The following B3GAT2 variants were observed in gnomAD, a reference collection of about 807,000 sequenced individuals.
The protein encoded by B3GAT2 is beta-1,3-glucuronyltransferase 2, also known as galactosylgalactosylxylosylprotein 3-beta-glucuronosyltransferase 2.
A neutral mutation model predicts 27.8 loss-of-function variants in B3GAT2; 26 were observed. The observed-to-expected ratio is 0.93, with a 90% CI of 0.68 to 1.30. The LOEUF is 1.30. Ranked by LOEUF, B3GAT2 falls within the 50% of genes most tolerant of loss-of-function variation. The probability of loss-of-function intolerance (pLI) is 0.00; values close to 1 mark genes in which losing one functional copy is unlikely to be tolerated. For missense variants in B3GAT2, 458 were observed against 459.0 expected, an observed-to-expected ratio of 1.00 and a Z score of 0.02; for synonymous variants, 218 against 195.1, an observed-to-expected ratio of 1.12 and a Z score of -0.98.
rs777302439 is a variant in B3GAT2, at chr6:70,860,210, A to G, written c.*1453T>C. 2 of 1,609,296 alleles carry G rather than the reference A, an allele frequency of 1.2e-6. No homozygotes were observed. Among genetic ancestry groups the G allele is most frequent in the Non-Finnish European group, 1.7e-6 (2 of 1,178,430 alleles). Reference sequence around the variant, plus strand: ...TTATATGTTTCACAGATGAATCAGCAGATGGCTGGCATGAGTATCAGTAGT... The same window carrying G: ...TTATATGTTTCACAGATGAATCAGCGGATGGCTGGCATGAGTATCAGTAGT... On this transcript the variant is annotated 3_prime_UTR_variant, in exon 4 of 4. Coordinates refer to ENST00000230053, the MANE Select transcript of B3GAT2 (RefSeq NM_080742.3).
rs796411736 is a variant in B3GAT2 at position 70,864,053 on chromosome 6, G to C, written c.737-2075C>G. On this transcript the variant is annotated intron_variant, in intron 2 of 3. Coordinates refer to ENST00000230053, the MANE Select transcript of B3GAT2 (RefSeq NM_080742.3). ...CTTTTTCCCACATGCTTATAAATAA[G>C]CTTTATCCTTTTTTTTTTTTTTTTT... is the stretch of plus-strand genomic sequence containing the variant. 9.1e-5 allele frequency among the ~76,000 whole-genome samples: 13 copies of C among 143,620 alleles called. No homozygotes were observed. In the South Asian group the frequency reaches 2.5e-3, roughly 27 times the overall value. The allele number at this position is 143,620 out of a possible 152,430, so 94.2% of individuals were successfully genotyped here.
intron 2 of B3GAT2, among the ~76,000 whole-genome samples, chr6:70,878,920 C>T (rs1411191984): frequency 6.6e-6 from 1 of 151,936 alleles, no homozygotes; most frequent in Non-Finnish European, 1.5e-5. Flanking sequence ...GGCACCTATT[C>T]TCCCATTTCC....
intron 2 of B3GAT2, among the ~76,000 whole-genome samples, chr6:70,873,896 A>T (rs2504749): frequency 0.41 from 62,711 of 151,660 alleles, 13,480 homozygotes; most frequent in Admixed American, 0.48. Context: ...GGTTCTTTTT[A>T]AAAAATATAT....
chr6:70,867,133 A>T (rs1202946601), intron 2 of B3GAT2, among the ~76,000 whole-genome samples: 1 of 152,204 alleles, frequency 6.6e-6, no homozygotes, highest in East Asian at 1.9e-4. Flanking sequence ...AAATGAAAAC[A>T]AGACATATCA....
intron 1 of B3GAT2, among the ~76,000 whole-genome samples, chr6:70,944,099 G>A (rs185093615): frequency 5.3e-5 from 8 of 152,250 alleles, no homozygotes; most frequent in South Asian, 4.2e-4. Flanking sequence ...TGGCAGCCAC[G>A]ATGGCCAAAT....
chr6:70,918,307 T>C (rs1262262421), intron 1 of B3GAT2, among the ~76,000 whole-genome samples: 1 of 152,226 alleles, frequency 6.6e-6, no homozygotes. Flanking sequence ...GCATGTGAGA[T>C]AGGTCTCCTG....
At chr6:70,867,564 G>T (rs1473179375) in intron 2 of B3GAT2, among the ~76,000 whole-genome samples, 3 of 152,054 alleles carry the variant, frequency 2.0e-5, no homozygotes, top group Admixed American at 2.0e-4. Context: ...TGACAACTTA[G>T]ATCAAAATAG....
intron 1 of B3GAT2, among the ~76,000 whole-genome samples, chr6:70,911,112 T>C (rs930184015): frequency 1.3e-5 from 2 of 152,330 alleles, no homozygotes; most frequent in East Asian, 3.9e-4. Flanking sequence ...TCCCATTCTA[T>C]AGGTTGTCTG....
rs1367445350 is a variant in B3GAT2, at chr6:70,861,292, A to G, written c.*371T>C. On this transcript the variant is annotated 3_prime_UTR_variant, in exon 4 of 4. Coordinates refer to ENST00000230053, the MANE Select transcript of B3GAT2 (RefSeq NM_080742.3). ...AGCTGACAAAATACTTGTCTGTTTT[A>G]AAAACCTGTTCAAGTCTACCAACCT... The G allele has an allele frequency of 5.3e-6, 1 of 189,642 alleles. No homozygotes were observed. The highest frequency in any genetic ancestry group is 2.3e-5 in the African/African-American group (1 of 43,066). 11.7% of individuals were successfully genotyped at this position (189,642 alleles called of 1,614,324 possible). A position where few individuals can be genotyped will look rare whatever the true frequency, so the allele number is the denominator to read the frequency against.
chr6:70,916,790 C>T (rs760737943), intron 1 of B3GAT2, among the ~76,000 whole-genome samples: 7 of 151,914 alleles, frequency 4.6e-5, no homozygotes, highest in Non-Finnish European at 8.8e-5. Flanking sequence ...CTGCTGGATT[C>T]GGTTTGCCAG....
intron 1 of B3GAT2, among the ~76,000 whole-genome samples, chr6:70,930,714 G>A (rs1773047890): frequency 6.6e-6 from 1 of 152,260 alleles, no homozygotes; most frequent in African/African-American, 2.4e-5. Context: ...GGGAGAAATA[G>A]GAACACTTTT....
intron 1 of B3GAT2, among the ~76,000 whole-genome samples, chr6:70,905,901 GTGTA>G (rs892019154): frequency 6.6e-6 from 1 of 151,708 alleles, no homozygotes; most frequent in Admixed American, 6.6e-5. Context: ...GTGTGTGTGT[GTGTA>G]TGTGTGTGTG....
intron 1 of B3GAT2, among the ~76,000 whole-genome samples, chr6:70,951,160 T>C (rs139992596): frequency 7.4e-4 from 113 of 152,260 alleles, no homozygotes; most frequent in African/African-American, 2.5e-3. Flanking sequence ...AACATTTAAA[T>C]AGACATATCT....
Position 70,880,982 on chromosome 6 carries a change from G to C in B3GAT2, c.736+13146C>G, listed in dbSNP as rs913916728. Among the ~76,000 whole-genome samples, 10 of 152,066 alleles carry C rather than the reference G, an allele frequency of 6.6e-5. No individual in the cohort carries two copies. In the East Asian group the frequency reaches 1.9e-3, roughly 29 times the overall value. On this transcript the variant is annotated intron_variant, in intron 2 of 3. Coordinates refer to ENST00000230053, the MANE Select transcript of B3GAT2 (RefSeq NM_080742.3). ...CCACAACCAGCCCTGTTTCTTTCTT[G>C]ATATTTCATATATAGTTATTTTCTA... is the stretch of plus-strand genomic sequence containing the variant.
At chr6:70,941,929 G>T (rs956304175) in intron 1 of B3GAT2, among the ~76,000 whole-genome samples, 1 of 152,038 alleles carries the variant, frequency 6.6e-6, no homozygotes, top group Non-Finnish European at 1.5e-5. Context: ...ACATATTCAG[G>T]TATCATATTA....
intron 1 of B3GAT2, among the ~76,000 whole-genome samples, chr6:70,916,793 T>G (rs553641330): frequency 6.6e-6 from 1 of 152,296 alleles, no homozygotes; most frequent in South Asian, 2.1e-4. Flanking sequence ...CTGGATTCGG[T>G]TTGCCAGTAT....
At chr6:70,871,570 T>C (rs1488442862) in intron 2 of B3GAT2, among the ~76,000 whole-genome samples, 1 of 152,036 alleles carries the variant, frequency 6.6e-6, no homozygotes, top group East Asian at 1.9e-4. Flanking sequence ...AGGTTGGTAT[T>C]AATATTCGTG....
At chr6:70,871,067 T>C (rs565355082) in intron 2 of B3GAT2, among the ~76,000 whole-genome samples, 1 of 152,202 alleles carries the variant, frequency 6.6e-6, no homozygotes, top group African/African-American at 2.4e-5. Flanking sequence ...ACTTTTATAT[T>C]TGAAATAATC....
chr6:70,923,508 C>A (rs1772904903), intron 1 of B3GAT2, among the ~76,000 whole-genome samples: 1 of 152,044 alleles, frequency 6.6e-6, no homozygotes, highest in African/African-American at 2.4e-5. Context: ...AGACTCTCTA[C>A]AAAAATTTTT....
Sources: allele counts gnomAD v4.1 joint callset (sites outside exome capture counted in the v4.1 genomes callset), GRCh38; gene constraint gnomAD v4.1.1; transcripts MANE v1.5; gene names NCBI Gene and HGNC (gene_info 2026-07-23, HGNC 2026-07-21).